The following USP43 variants were observed in gnomAD, a reference collection of about 807,000 sequenced individuals.
The protein encoded by USP43 is ubiquitin specific peptidase 43.
A neutral mutation model predicts 90.7 loss-of-function variants in USP43; 33 were observed. The ratio of observed to expected loss-of-function variants is 0.36; its 90% CI spans 0.28 to 0.49. The LOEUF (loss-of-function observed/expected upper bound fraction) is 0.49. Ranked by LOEUF, USP43 falls within the 20% of genes least tolerant of loss-of-function variation. USP43 has a pLI of 0.98. For missense variants in USP43, 1,274 were observed against 1,476.4 expected (o/e 0.86, Z 2.25); for synonymous variants, 598 against 615.8 (o/e 0.97, Z 0.43).
Position 9,719,773 on chromosome 17 carries a change from A to G in USP43, c.2335+7641A>G, listed in dbSNP as rs79016706. On this transcript the variant is annotated intron_variant, in intron 14 of 14. Coordinates refer to ENST00000285199, the MANE Select transcript of USP43 (RefSeq NM_153210.5). ...TTTTAGAAGTTCTGAGACGGTTGAA[A>G]AATCCAGCGTTTGCTGGACGTGGTG... is the stretch of plus-strand genomic sequence containing the variant. 2.0e-5 allele frequency among the ~76,000 whole-genome samples: 3 copies of G among 152,306 alleles called. No individual in the cohort carries two copies. In the East Asian group the frequency reaches 5.8e-4, roughly 29 times the overall value.
At chr17:9,726,841 G>C (rs926581185) in intron 14 of USP43, among the ~76,000 whole-genome samples, 1 of 152,234 alleles carries the variant, frequency 6.6e-6, no homozygotes, top group African/African-American at 2.4e-5. Context: ...CTTGCGCCAT[G>C]TAGGTTGTGT....
At chr17:9,682,217 GA>G (rs1294402281) in intron 6 of USP43, among the ~76,000 whole-genome samples, 1 of 152,148 alleles carries the variant, frequency 6.6e-6, no homozygotes, top group Non-Finnish European at 1.5e-5. Context: ...AATTATTTTG[GA>G]GTATTTTTCA....
intron 2 of USP43, among the ~76,000 whole-genome samples, chr17:9,666,394 G>C (rs1913040331): frequency 6.6e-6 from 1 of 152,190 alleles, no homozygotes; most frequent in African/African-American, 2.4e-5. Context: ...GTGAGAATGA[G>C]CGAGCATCCA....
chr17:9,702,085 A>C (rs1043991717), intron 12 of USP43, among the ~76,000 whole-genome samples: 6 of 152,060 alleles, frequency 3.9e-5, no homozygotes, highest in Non-Finnish European at 7.4e-5. Flanking sequence ...GTTAGGCCTG[A>C]TGCAGTAGCT....
At position 9,680,267 on chromosome 17, in the gene USP43, C is replaced by A; in HGVS notation, c.1006C>A (p.Arg336=). 3.7e-6 allele frequency: 6 copies of A among 1,613,742 alleles called. No individual in the cohort carries two copies. Among genetic ancestry groups the A allele is most frequent in the Non-Finnish European group, 5.1e-6 (6 of 1,179,768 alleles). ...TGAACTGTATCCCAGTGGATTCCAG[C>A]GGTCTTTCTTTGATGAAGAGGACCT... ...LVELYPSGFQ[R]SFFDEEDLNT... Residue 336 remains arginine, a synonymous_variant, in exon 6 of 15, where the codon CGG becomes AGG. Coordinates refer to ENST00000285199, the MANE Select transcript of USP43 (RefSeq NM_153210.5).
At chr17:9,681,504 A>ATATG (rs1267982393) in intron 6 of USP43, among the ~76,000 whole-genome samples, 2 of 95,714 alleles carry the variant, frequency 2.1e-5, no homozygotes, top group African/African-American at 8.2e-5. Context: ...ATATATATAT[A>ATATG]TATATTTGAG....
intron 1 of USP43, among the ~76,000 whole-genome samples, chr17:9,648,356 A>C (rs1911601279): frequency 6.6e-6 from 1 of 152,246 alleles, no homozygotes; most frequent in Admixed American, 6.5e-5. Flanking sequence ...GAATGTCCAG[A>C]GAGTAGACTA....
chr17:9,689,523 C>T (rs1256064223), intron 8 of USP43, among the ~76,000 whole-genome samples: 1 of 151,912 alleles, frequency 6.6e-6, no homozygotes, highest in Non-Finnish European at 1.5e-5. Flanking sequence ...GTGATCCTCC[C>T]ACCTCATCCT....
At chr17:9,664,985 G>C (rs1912929762) in intron 2 of USP43, among the ~76,000 whole-genome samples, 1 of 152,182 alleles carries the variant, frequency 6.6e-6, no homozygotes, top group Admixed American at 6.5e-5. Flanking sequence ...GTTATATTAT[G>C]AGTGGCTTTG....
intron 1 of USP43, among the ~76,000 whole-genome samples, chr17:9,654,999 A>G (rs1947686754): frequency 6.6e-6 from 1 of 150,854 alleles, no homozygotes; most frequent in South Asian, 2.1e-4. Context: ...CGGCCTCCCA[A>G]ATTGTTGGGA....
At chr17:9,682,581 C>T (rs9910460) in intron 6 of USP43, among the ~76,000 whole-genome samples, 1,905 of 152,230 alleles carry the variant, frequency 0.013, 42 homozygotes, top group African/African-American at 0.043. Flanking sequence ...CTTAAACAAA[C>T]AAAAAACTAT....
chr17:9,683,762 G>C (rs1914437811), intron 7 of USP43, among the ~76,000 whole-genome samples: 2 of 152,044 alleles, frequency 1.3e-5, no homozygotes, highest in African/African-American at 4.8e-5. Context: ...CAAAAGTAAG[G>C]CTGGGCTAAT....
chr17:9,669,063 C>T (rs577608752), intron 3 of USP43, among the ~76,000 whole-genome samples: 2 of 151,144 alleles, frequency 1.3e-5, no homozygotes, highest in African/African-American at 4.9e-5. Context: ...TCAGGCTGGT[C>T]TCGAACTCCT....
Position 9,676,862 on chromosome 17 carries a change from G to C in USP43, c.950G>C (p.Gly317Ala). 1 of 1,613,914 alleles carries C rather than the reference G, an allele frequency of 6.2e-7. No homozygotes were observed. The highest frequency in any genetic ancestry group is 1.1e-5 in the South Asian group (1 of 91,064). ...CTGAGGAAGATGGTTGCAGAGGAAG[G>C]AGGCGTCCCTGCAGATGAGGTGTGA... ...AALRKMVAEE[G>A]GVPADEVILV... The change falls in exon 5 of 15, where the codon GGA becomes GCA. Residue 317 changes from glycine (G) to alanine (A), a missense_variant. Gly to Ala is a moderately conservative substitution (Grantham distance 60). Coordinates refer to ENST00000285199, the MANE Select transcript of USP43 (RefSeq NM_153210.5).
At chr17:9,669,460 A>C (rs1459494977) in intron 3 of USP43, among the ~76,000 whole-genome samples, 3 of 151,848 alleles carry the variant, frequency 2.0e-5, no homozygotes, top group African/African-American at 7.3e-5. Context: ...GAGGAGTAGA[A>C]CTCCTGGCTG....
At chr17:9,690,161 T>C (rs993917069) in intron 8 of USP43, among the ~76,000 whole-genome samples, 4 of 152,166 alleles carry the variant, frequency 2.6e-5, no homozygotes, top group South Asian at 4.1e-4. Context: ...CTCACAACTC[T>C]CTGCATCTGT....
In USP43 at chr17:9,674,778, AC is replaced by A; in HGVS notation, c.741-111del. On this transcript the variant is annotated intron_variant, in intron 3 of 14. Coordinates refer to ENST00000285199, the MANE Select transcript of USP43 (RefSeq NM_153210.5). The surrounding 1 kb of genome is among the most constrained non-coding windows in gnomAD (Gnocchi z 4.4). ...CTGTTCTCAATTCTTCTGGGTATGTACCTACGAGTGGAATCACAGGGAGTGG... is the reference window on the plus strand; with the variant it reads ...CTGTTCTCAATTCTTCTGGGTATGTACTACGAGTGGAATCACAGGGAGTGG... The A allele has an allele frequency of 1.2e-6, 1 of 847,968 alleles. No homozygotes were observed. Among genetic ancestry groups the A allele is most frequent in the East Asian group, 2.4e-5 (1 of 41,474 alleles). 52.5% of individuals were successfully genotyped at this position (847,968 alleles called of 1,614,324 possible). A position where few individuals can be genotyped will look rare whatever the true frequency, so the allele number is the denominator to read the frequency against.
intron 12 of USP43, among the ~76,000 whole-genome samples, chr17:9,707,052 C>T (rs1202275930): frequency 6.6e-5 from 10 of 152,064 alleles, no homozygotes; most frequent in African/African-American, 2.4e-4. Flanking sequence ...TGCTATCATA[C>T]CATAGATGTA....
rs1915583635 is a variant in USP43, at chr17:9,701,675, C to T, written c.1986C>T (p.Gly662=). The change falls in exon 12 of 15, where the codon GGC becomes GGT. Residue 662 remains glycine (G), a synonymous_variant. Coordinates refer to ENST00000285199, the MANE Select transcript of USP43 (RefSeq NM_153210.5). This position sits in a 1 kb window ranked among gnomAD's most constrained non-coding sequence, Gnocchi z 7.2. ...YDLYAVCNHH[G]NLQGGHYTAY... The stretch of plus-strand genomic sequence containing the variant: ...TGTATGCCGTCTGCAACCACCATGG[C>T]AACCTGCAAGGTGGGCATTACACAG... 1.9e-6 allele frequency: 3 copies of T among 1,574,690 alleles called. No homozygotes were observed. The South Asian group carries it at 3.5e-5, about 19-fold the overall frequency.
Sources: allele counts gnomAD v4.1 joint callset (sites outside exome capture counted in the v4.1 genomes callset), GRCh38; gene constraint gnomAD v4.1.1; non-coding constraint Gnocchi (gnomAD v3.1); transcripts MANE v1.5; gene names NCBI Gene and HGNC (gene_info 2026-07-23, HGNC 2026-07-21).